TTC28: variants seen among roughly 807,000 people sequenced by gnomAD.
TTC28 encodes the protein tetratricopeptide repeat protein 28.
A neutral mutation model predicts 198.0 loss-of-function variants in TTC28; 61 were observed. The observed-to-expected ratio is 0.31, with a 90% CI of 0.25 to 0.38. TTC28 has a LOEUF of 0.38. Among genes scored for constraint, TTC28 ranks in the 10% least tolerant of loss-of-function variants. The probability of loss-of-function intolerance (pLI) is 1.00; values close to 1 mark genes in which losing one functional copy is unlikely to be tolerated. For missense variants in TTC28, 2,678 were observed against 3,164.0 expected, an observed-to-expected ratio of 0.85 and a Z score of 3.69; for synonymous variants, 1,171 against 1,297.8, an observed-to-expected ratio of 0.90 and a Z score of 2.10.
intron 2 of TTC28, among the ~76,000 whole-genome samples, chr22:28,347,896 C>T (rs1257305825): frequency 3.3e-5 from 5 of 152,226 alleles, no homozygotes; most frequent in Admixed American, 6.5e-5. Context: ...ACAGCACCTA[C>T]GCTGTCTTAC....
At chr22:28,043,378 T>A (rs1433142126) in intron 12 of TTC28, among the ~76,000 whole-genome samples, 1 of 151,974 alleles carries the variant, frequency 6.6e-6, no homozygotes, top group Non-Finnish European at 1.5e-5. Flanking sequence ...CCTGTCAGAT[T>A]CCTTTCCCCA....
chr22:28,085,546 A>G (rs56354757), intron 12 of TTC28, among the ~76,000 whole-genome samples: 1,808 of 152,336 alleles, frequency 0.012, 31 homozygotes, highest in East Asian at 0.058. Context: ...GGTAGCAGCC[A>G]CTGCAAAATC....
chr22:28,122,188 A>G (rs1942805567), intron 6 of TTC28, among the ~76,000 whole-genome samples: 1 of 152,188 alleles, frequency 6.6e-6, no homozygotes, highest in African/African-American at 2.4e-5. Context: ...ATAAAGGGAT[A>G]CAGAAGCAGC....
intron 2 of TTC28, among the ~76,000 whole-genome samples, chr22:28,542,569 T>C (rs964650490): frequency 4.6e-5 from 7 of 152,118 alleles, no homozygotes; most frequent in Admixed American, 3.9e-4. Flanking sequence ...ATGTTATGTA[T>C]ATTTTAACAT....
At chr22:28,538,005 G>A (rs1191164074) in intron 2 of TTC28, among the ~76,000 whole-genome samples, 1 of 151,640 alleles carries the variant, frequency 6.6e-6, no homozygotes, top group African/African-American at 2.4e-5. Context: ...GAAGGACATA[G>A]GACAGAATAA....
intron 2 of TTC28, among the ~76,000 whole-genome samples, chr22:28,461,279 C>T (rs1273243672): frequency 4.6e-5 from 7 of 152,150 alleles, no homozygotes; most frequent in Admixed American, 4.6e-4. Context: ...TATTGACCTA[C>T]CCAAAGATAA....
chr22:28,161,345 A>G (rs941451098), intron 6 of TTC28, among the ~76,000 whole-genome samples: 4 of 152,140 alleles, frequency 2.6e-5, no homozygotes, highest in Non-Finnish European at 5.9e-5. Flanking sequence ...AGCCTGAGGA[A>G]CATAACAAGG....
At chr22:28,661,501 C>G (rs1464080612) in intron 1 of TTC28, among the ~76,000 whole-genome samples, 1 of 152,126 alleles carries the variant, frequency 6.6e-6, no homozygotes, top group Non-Finnish European at 1.5e-5. Context: ...CTCACTGTAG[C>G]TTGGAACTAC....
At chr22:28,034,664 C>G (rs2235713) in intron 12 of TTC28, among the ~76,000 whole-genome samples, 1 of 152,128 alleles carries the variant, frequency 6.6e-6, no homozygotes, top group Non-Finnish European at 1.5e-5. Flanking sequence ...TGGATTATTA[C>G]GGTCATGAAG....
At chr22:28,275,314 T>C (rs1467803902) in intron 5 of TTC28, among the ~76,000 whole-genome samples, 1 of 152,214 alleles carries the variant, frequency 6.6e-6, no homozygotes, top group East Asian at 1.9e-4. Context: ...TTTCCATCAC[T>C]GCCATGAGTT....
Position 28,105,483 on chromosome 22 carries a change from AC to A in TTC28, c.3102del (p.Cys1035AlafsTer11). ...LQIAEETNNP[T>X]CQGRAYGNLG... Reference sequence around the variant, plus strand: ...AGGTTCCCATAGGCTCGGCCCTGGCACGTGGGGTTGTTGGTTTCCTCTGCTA... The same window carrying A: ...AGGTTCCCATAGGCTCGGCCCTGGCAGTGGGGTTGTTGGTTTCCTCTGCTA... On this transcript the variant is annotated frameshift_variant, in exon 8 of 23. Transcript: ENST00000397906. LOFTEE classifies it high-confidence loss of function. The A allele has an allele frequency of 6.4e-7, 1 of 1,551,662 alleles. No homozygotes were observed. The highest frequency in any genetic ancestry group is 8.7e-7 in the Non-Finnish European group (1 of 1,146,984).
chr22:28,271,350 T>C (rs1466331273), intron 5 of TTC28, among the ~76,000 whole-genome samples: 3 of 152,196 alleles, frequency 2.0e-5, no homozygotes, highest in African/African-American at 7.2e-5. Flanking sequence ...GCTGCTCTAG[T>C]TAATAAACAC....
chr22:28,119,939 G>T (rs922705170), intron 6 of TTC28, among the ~76,000 whole-genome samples: 2 of 152,076 alleles, frequency 1.3e-5, no homozygotes, highest in Non-Finnish European at 2.9e-5. Flanking sequence ...TAAAAATCTC[G>T]TTTACTGACT....
At chr22:28,530,188 G>C (rs1208673357) in intron 2 of TTC28, among the ~76,000 whole-genome samples, 2 of 152,244 alleles carry the variant, frequency 1.3e-5, no homozygotes. Flanking sequence ...TGGCTAACTA[G>C]AATAAACAGC....
chr22:28,220,347 T>C (rs1011803596), intron 5 of TTC28, among the ~76,000 whole-genome samples: 8 of 152,170 alleles, frequency 5.3e-5, no homozygotes, highest in African/African-American at 1.9e-4. Flanking sequence ...CACAGTTCTG[T>C]GAGTAAGGAG....
chr22:28,638,613 C>T (rs1041651364), intron 1 of TTC28, among the ~76,000 whole-genome samples: 24 of 152,012 alleles, frequency 1.6e-4, no homozygotes, highest in African/African-American at 5.3e-4. Flanking sequence ...ACAAACAATT[C>T]AATGGAAAAA....
intron 2 of TTC28, among the ~76,000 whole-genome samples, chr22:28,428,941 A>C (rs2047394417): frequency 6.6e-6 from 1 of 152,088 alleles, no homozygotes; most frequent in African/African-American, 2.4e-5. Context: ...CGCCCAGCCC[A>C]TTTCATGAAT....
At chr22:28,128,980 A>T (rs1942986450) in intron 6 of TTC28, among the ~76,000 whole-genome samples, 2 of 152,216 alleles carry the variant, frequency 1.3e-5, no homozygotes, top group African/African-American at 4.8e-5. Context: ...ATGTTCAGAG[A>T]ACTGTGCTCA....
At chr22:28,278,546 A>G (rs1237218147) in intron 5 of TTC28, among the ~76,000 whole-genome samples, 1 of 152,182 alleles carries the variant, frequency 6.6e-6, no homozygotes, top group African/African-American at 2.4e-5. Flanking sequence ...ATTTTTCAGG[A>G]TAAAATGAGA....
Sources: gnomAD v4.1 joint callset for allele counts (sites outside exome capture counted in the v4.1 genomes callset) on GRCh38, gnomAD v4.1.1 for gene constraint, MANE v1.5 for transcripts, NCBI Gene and HGNC (gene_info 2026-07-23, HGNC 2026-07-21) for gene names.